The following TTC29 variants were observed in gnomAD, a reference collection of about 807,000 sequenced individuals.
TTC29 encodes tetratricopeptide repeat domain 29.
TTC29 carries 49 observed loss-of-function variants against 58.1 expected under a neutral mutation model. The observed-to-expected ratio is 0.84, with a 90% CI of 0.67 to 1.07. TTC29 has a LOEUF of 1.07. TTC29 is among the 50% of genes least tolerant of loss of function. The pLI is 0.00. For missense variants in TTC29, 582 were observed against 555.6 expected (o/e 1.05, Z -0.48); for synonymous variants, 209 against 196.8 (o/e 1.06, Z -0.52).
chr4:146,891,289 T>C (rs996397199), intron 6 of TTC29, among the ~76,000 whole-genome samples: 1 of 152,204 alleles, frequency 6.6e-6, no homozygotes, highest in African/African-American at 2.4e-5. Flanking sequence ...GATTTATCAT[T>C]ATCCACTTAA....
intron 2 of TTC29, among the ~76,000 whole-genome samples, chr4:146,941,811 T>G (rs1736426573): frequency 6.6e-6 from 1 of 152,100 alleles, no homozygotes; most frequent in Non-Finnish European, 1.5e-5. Context: ...CAGGTTAGAC[T>G]GTAGTGGGGG....
Position 146,754,693 on chromosome 4 carries a change from G to T in TTC29, c.1331-47142C>A, listed in dbSNP as rs78957998. ...ACCACAAGATTATCTCAATTGACATGGAAAAAGCATTTGACAAAGTTTAAC... is the reference window on the plus strand; with the variant it reads ...ACCACAAGATTATCTCAATTGACATTGAAAAAGCATTTGACAAAGTTTAAC... On this transcript the variant is annotated intron_variant, in intron 11 of 12. Coordinates refer to ENST00000325106, the MANE Select transcript of TTC29 (RefSeq NM_031956.4). Among the ~76,000 whole-genome samples the T allele has an allele frequency of 4.8e-3, 728 of 152,194 alleles. 3 individuals carry two copies. The highest frequency in any genetic ancestry group is 0.017 in the African/African-American group (687 of 41,546).
chr4:146,708,340 A>G (rs1265411965), intron 11 of TTC29, among the ~76,000 whole-genome samples: 5 of 40,466 alleles, frequency 1.2e-4, no homozygotes, highest in East Asian at 8.8e-4. Context: ...ATATATATAT[A>G]TATATATATA....
At chr4:146,894,549 A>T (rs1579930781) in intron 6 of TTC29, among the ~76,000 whole-genome samples, 1 of 105,822 alleles carries the variant, frequency 9.4e-6, no homozygotes, top group Non-Finnish European at 1.9e-5. Flanking sequence ...GGGAGGGGGG[A>T]GGGATAGCAT....
chr4:146,813,873 A>C (rs753198150), intron 10 of TTC29, among the ~76,000 whole-genome samples: 1 of 152,178 alleles, frequency 6.6e-6, no homozygotes, highest in Non-Finnish European at 1.5e-5. Context: ...AATCCCAGCT[A>C]CTTGGGAGGC....
chr4:146,934,333 G>A (rs1357015137), intron 4 of TTC29: 1 of 152,210 alleles, frequency 6.6e-6, no homozygotes, highest in Non-Finnish European at 1.5e-5. Context: ...GTAGCAGTAA[G>A]CAAGGTAAGA....
intron 11 of TTC29, among the ~76,000 whole-genome samples, chr4:146,786,793 G>GAA (rs199728601): frequency 6.6e-6 from 1 of 151,888 alleles, no homozygotes; most frequent in African/African-American, 2.4e-5. Context: ...TTTAGGCCCA[G>GAA]AAAAAAAATC....
intron 4 of TTC29, among the ~76,000 whole-genome samples, chr4:146,925,183 T>C (rs1297080549): frequency 6.6e-6 from 1 of 152,046 alleles, no homozygotes; most frequent in Non-Finnish European, 1.5e-5. Context: ...TATTCTACTG[T>C]TGTTTGGTGG....
intron 9 of TTC29, among the ~76,000 whole-genome samples, chr4:146,825,343 C>T (rs755227297): frequency 1.3e-5 from 2 of 152,130 alleles, no homozygotes; most frequent in African/African-American, 4.8e-5. Context: ...TAATCTCCAT[C>T]CTAATTTCGT....
chr4:146,783,872 A>C (rs1748806133), intron 11 of TTC29, among the ~76,000 whole-genome samples: 1 of 152,120 alleles, frequency 6.6e-6, no homozygotes, highest in South Asian at 2.1e-4. Flanking sequence ...TAAAGAGAGA[A>C]CTATGGGATC....
At chr4:146,875,378 A>T (rs180955099) in intron 6 of TTC29, among the ~76,000 whole-genome samples, 6 of 152,358 alleles carry the variant, frequency 3.9e-5, no homozygotes, top group Admixed American at 1.3e-4. Flanking sequence ...TAGTAAGGTT[A>T]AGAATTTTGC....
At chr4:146,926,715 G>A (rs554910304) in intron 4 of TTC29, among the ~76,000 whole-genome samples, 19 of 152,094 alleles carry the variant, frequency 1.2e-4, no homozygotes, top group African/African-American at 3.9e-4. Context: ...CACCCACCTC[G>A]GCCTCCCAAA....
At chr4:146,866,329 G>C (rs1044817910) in intron 8 of TTC29, among the ~76,000 whole-genome samples, 8 of 152,138 alleles carry the variant, frequency 5.3e-5, no homozygotes, top group Non-Finnish European at 4.4e-5. Context: ...TGTCCATGTT[G>C]AGTGTGTACG....
intron 11 of TTC29, among the ~76,000 whole-genome samples, chr4:146,722,895 G>C (rs1743476841): frequency 6.6e-6 from 1 of 151,962 alleles, no homozygotes; most frequent in Non-Finnish European, 1.5e-5. Flanking sequence ...ACAAGGTTTT[G>C]CCATGTTGCC....
At chr4:146,860,864 C>T (rs1730185608) in intron 8 of TTC29, among the ~76,000 whole-genome samples, 1 of 152,096 alleles carries the variant, frequency 6.6e-6, no homozygotes, top group Non-Finnish European at 1.5e-5. Flanking sequence ...TACAAGTTAA[C>T]ACTAATGTTA....
chr4:146,802,194 A>G (rs927628821), intron 11 of TTC29, among the ~76,000 whole-genome samples: 15 of 152,074 alleles, frequency 9.9e-5, no homozygotes, highest in Admixed American at 9.2e-4. Context: ...AGAATAAGTA[A>G]TCTAATATAG....
intron 11 of TTC29, among the ~76,000 whole-genome samples, chr4:146,708,307 T>A (rs1742137553): frequency 1.3e-5 from 1 of 79,786 alleles, no homozygotes; most frequent in Non-Finnish European, 2.4e-5. Context: ...ATATGGGAAG[T>A]TTATATATAT....
chr4:146,818,058 G>T (rs900281552), intron 10 of TTC29, among the ~76,000 whole-genome samples: 1 of 152,138 alleles, frequency 6.6e-6, no homozygotes, highest in Non-Finnish European at 1.5e-5. Context: ...GAAAGCAATG[G>T]CAACAAAAGC....
chr4:146,830,951 AT>A (rs1195437496), intron 9 of TTC29, among the ~76,000 whole-genome samples: 2 of 152,176 alleles, frequency 1.3e-5, no homozygotes, highest in African/African-American at 4.8e-5. Context: ...ATCTTATAGA[AT>A]TTTAGGTTTG....
Sources: allele counts gnomAD v4.1 joint callset (sites outside exome capture counted in the v4.1 genomes callset), GRCh38; gene constraint gnomAD v4.1.1; transcripts MANE v1.5; gene names NCBI Gene and HGNC (gene_info 2026-07-23, HGNC 2026-07-21).